STK32C: variants seen among roughly 807,000 people sequenced by gnomAD.
STK32C encodes the protein serine/threonine-protein kinase 32C.
STK32C carries 31 observed loss-of-function variants against 56.5 expected under a neutral mutation model. The ratio of observed to expected loss-of-function variants is 0.55; its 90% confidence interval spans 0.41 to 0.74. The LOEUF (loss-of-function observed/expected upper bound fraction) is 0.74. Ranked by LOEUF, STK32C falls within the 30% of genes least tolerant of loss-of-function variation. STK32C has a pLI of 0.00. For synonymous variants in STK32C, 309 were observed against 289.4 expected (o/e 1.07, Z -0.69); for missense variants, 544 against 676.9 (o/e 0.80, Z 2.18).
chr10:132,254,223 G>A (rs957402916), intron 1 of STK32C, among the ~76,000 whole-genome samples: 1 of 152,106 alleles, frequency 6.6e-6, no homozygotes, highest in African/African-American at 2.4e-5. Context: ...GCAGGAGAAC[G>A]GCATGAACCC....
intron 10 of STK32C, among the ~76,000 whole-genome samples, chr10:132,221,971 G>C (rs2062683376): frequency 6.8e-6 from 1 of 146,538 alleles, no homozygotes; most frequent in African/African-American, 2.6e-5. Flanking sequence ...GCTAGTCTGA[G>C]GGCTTCACAT....
intron 10 of STK32C, among the ~76,000 whole-genome samples, chr10:132,211,905 G>A (rs1268585874): frequency 4.6e-5 from 7 of 152,080 alleles, no homozygotes; most frequent in African/African-American, 1.7e-4. Context: ...AAGGGCGGGG[G>A]TCTCTCCTGG....
chr10:132,285,906 G>C (rs1364890842), intron 1 of STK32C, among the ~76,000 whole-genome samples: 1 of 152,170 alleles, frequency 6.6e-6, no homozygotes, highest in Admixed American at 6.5e-5. Flanking sequence ...CAGATCATGA[G>C]GTCAGGAGAT....
intron 1 of STK32C, among the ~76,000 whole-genome samples, chr10:132,251,282 G>A (rs1402355533): frequency 2.0e-5 from 3 of 152,222 alleles, no homozygotes; most frequent in South Asian, 4.1e-4. Flanking sequence ...GCAGAGGCCA[G>A]GCCCCTGCAA....
chr10:132,227,609 C>T (rs910376830), intron 3 of STK32C, among the ~76,000 whole-genome samples: 2 of 139,400 alleles, frequency 1.4e-5, no homozygotes, highest in Non-Finnish European at 3.2e-5. Flanking sequence ...GTGGTGATGG[C>T]GATGATGGTG....
At chr10:132,254,853 C>T (rs74161750) in intron 1 of STK32C, among the ~76,000 whole-genome samples, 6,498 of 152,210 alleles carry the variant, frequency 0.043, 382 homozygotes, top group African/African-American at 0.13. Context: ...CACCCCAGGT[C>T]CCCTCTTGAT....
At chr10:132,279,334 G>A (rs143816603) in intron 1 of STK32C, among the ~76,000 whole-genome samples, 24 of 152,242 alleles carry the variant, frequency 1.6e-4, no homozygotes, top group Non-Finnish European at 2.5e-4. Context: ...TAGGTGGAGC[G>A]GCGTGCTGAT....
chr10:132,213,509 C>A (rs1315319579), intron 10 of STK32C, among the ~76,000 whole-genome samples: 1 of 152,248 alleles, frequency 6.6e-6, no homozygotes, highest in Admixed American at 6.5e-5. Flanking sequence ...AGACTTTAAA[C>A]CCTGCCCCAA....
At chr10:132,208,306 T>C (rs923660) in intron 11 of STK32C, among the ~76,000 whole-genome samples, 155 bp from the exon 12 acceptor site, 124,759 of 152,220 alleles carry the variant, frequency 0.82, 51,279 homozygotes, top group East Asian at 0.96. Context: ...ATGCTCCCGA[T>C]ACACTGGCAG....
At chr10:132,325,699 G>T (rs1467960116) in intron 1 of STK32C, among the ~76,000 whole-genome samples, 1 of 150,680 alleles carries the variant, frequency 6.6e-6, no homozygotes, top group Admixed American at 6.6e-5. Context: ...TCTTTCTTTT[G>T]TAAATCGCCC....
At chr10:132,297,196 C>T (rs1220741507) in intron 1 of STK32C, among the ~76,000 whole-genome samples, 1 of 152,200 alleles carries the variant, frequency 6.6e-6, no homozygotes, top group Non-Finnish European at 1.5e-5. Flanking sequence ...TGACAGAGGA[C>T]TCCCCTCCTG....
chr10:132,263,895 T>C (rs995334940), intron 1 of STK32C, among the ~76,000 whole-genome samples: 2 of 142,946 alleles, frequency 1.4e-5, no homozygotes, highest in African/African-American at 5.1e-5. Flanking sequence ...GTTGGGATTA[T>C]AAAAAAAGAA....
chr10:132,256,345 T>C (rs2064122440), intron 1 of STK32C, among the ~76,000 whole-genome samples: 1 of 152,104 alleles, frequency 6.6e-6, no homozygotes, highest in Non-Finnish European at 1.5e-5. Flanking sequence ...CAGTGAAAGC[T>C]TCCACCCATA....
chr10:132,268,812 G>A (rs11596584), intron 1 of STK32C, among the ~76,000 whole-genome samples: 28,679 of 101,172 alleles, frequency 0.28, 3,117 homozygotes, highest in Middle Eastern at 0.44. Context: ...TGTGTGTGTC[G>A]GTGTGTGTGC....
rs190034321 is a variant in STK32C at position 132,296,533 on chromosome 10, T to C, written c.262+11039A>G. 2.9e-3 allele frequency among the ~76,000 whole-genome samples: 435 copies of C among 152,292 alleles called. 3 individuals are homozygous for C. Among genetic ancestry groups the C allele is most frequent in the African/African-American group, 9.8e-3 (408 of 41,548 alleles). On this transcript the variant is annotated intron_variant, in intron 1 of 11. Coordinates refer to ENST00000298630, the MANE Select transcript of STK32C (RefSeq NM_173575.4). ...CTATCCTGAAATTTAAAAGGCCACA[T>C]AGATTTTGCATGTTTTCCAGTACGA...
At chr10:132,320,531 C>T (rs1590506243), downstream of STK32C, among the ~76,000 whole-genome samples, 1 of 151,918 alleles carries the variant, frequency 6.6e-6, no homozygotes, top group Non-Finnish European at 1.5e-5. Flanking sequence ...GTCCCACCCC[C>T]GCAGAGGCTG....
chr10:132,295,011 C>T (rs1466345079), intron 1 of STK32C, among the ~76,000 whole-genome samples: 3 of 152,222 alleles, frequency 2.0e-5, no homozygotes, highest in Admixed American at 2.0e-4. Context: ...CTCTGCCCCT[C>T]TCGGTGTGGA....
chr10:132,214,279 G>C (rs1239132593), intron 10 of STK32C, among the ~76,000 whole-genome samples: 2 of 147,836 alleles, frequency 1.4e-5, no homozygotes, highest in African/African-American at 2.4e-5. Flanking sequence ...GGTGGGGGGT[G>C]GCGAGGAATT....
intron 1 of STK32C, 101 bp from the exon 2 acceptor site, chr10:132,246,056 G>A: frequency 5.0e-6 from 6 of 1,203,458 alleles, no homozygotes; most frequent in East Asian, 4.7e-5. Context: ...ACTGCCCAGG[G>A]CCCCTCATCC....
Sources: gnomAD v4.1 joint callset for allele counts (sites outside exome capture counted in the v4.1 genomes callset) on GRCh38, gnomAD v4.1.1 for gene constraint, MANE v1.5 for transcripts, NCBI Gene and HGNC (gene_info 2026-07-23, HGNC 2026-07-21) for gene names.